LSAMP: variants seen among roughly 807,000 people sequenced by gnomAD.
The protein encoded by LSAMP is limbic system-associated membrane protein.
In LSAMP, 7 loss-of-function variants were observed where a neutral mutation model predicts 38.6. The ratio of observed to expected loss-of-function variants is 0.18; its 90% CI spans 0.10 to 0.34. The LOEUF is 0.34. Ranked by LOEUF, LSAMP falls within the 10% of genes least tolerant of loss-of-function variation. LSAMP has a pLI of 1.00. For synonymous variants in LSAMP, 154 were observed against 166.8 expected, an observed-to-expected ratio of 0.92 and a Z score of 0.59; for missense variants, 313 against 420.0, an observed-to-expected ratio of 0.75 and a Z score of 2.23.
chr3:115,985,098 C>T (rs1349910948), intron 3 of LSAMP, among the ~76,000 whole-genome samples: 1 of 152,118 alleles, frequency 6.6e-6, no homozygotes, highest in Non-Finnish European at 1.5e-5. Context: ...TATGCTCAAA[C>T]AGGTATTTTA....
At chr3:116,418,833 A>G (rs1362304002) in intron 1 of LSAMP, among the ~76,000 whole-genome samples, 4 of 152,042 alleles carry the variant, frequency 2.6e-5, no homozygotes, top group African/African-American at 9.7e-5. Flanking sequence ...GGGATTCACT[A>G]TTTGCTAAAA....
At chr3:116,435,486 C>T (rs1464488377) in intron 1 of LSAMP, among the ~76,000 whole-genome samples, 4 of 145,200 alleles carry the variant, frequency 2.8e-5, no homozygotes, top group Non-Finnish European at 1.5e-5. Context: ...CTTGATAAGA[C>T]CTTGTTGGAT....
chr3:115,804,244 T>G lies in LSAMP; in HGVS notation c.*6073A>C, dbSNP rs1283937953. 1 of 152,216 alleles carries G rather than the reference T, an allele frequency of 6.6e-6. No homozygotes were observed. Among genetic ancestry groups the G allele is most frequent in the Non-Finnish European group, 1.5e-5 (1 of 68,036 alleles). 9.4% of individuals were successfully genotyped at this position (152,216 alleles called of 1,614,324 possible). A position where few individuals can be genotyped will look rare whatever the true frequency, so the allele number is the denominator to read the frequency against. On this transcript the variant is annotated 3_prime_UTR_variant, in exon 7 of 7. Coordinates refer to ENST00000490035, the MANE Select transcript of LSAMP (RefSeq NM_002338.5). ...CAAACTAGAGATAACAAACAGCTGC[T>G]GTTTACAAACAGTGCTGGGCACAGC... is the stretch of plus-strand genomic sequence containing the variant.
intron 1 of LSAMP, among the ~76,000 whole-genome samples, chr3:116,408,326 T>C (rs550390937): frequency 1.3e-5 from 2 of 152,240 alleles, no homozygotes; most frequent in East Asian, 3.9e-4. Flanking sequence ...GAAAGAATGT[T>C]TATTTTCATT....
intron 2 of LSAMP, among the ~76,000 whole-genome samples, chr3:116,053,685 G>T (rs1457358424): frequency 6.6e-6 from 1 of 152,148 alleles, no homozygotes; most frequent in East Asian, 1.9e-4. Context: ...GTAAGTAAAT[G>T]AGAGACAGAA....
At chr3:116,206,023 C>T (rs952659684) in intron 1 of LSAMP, among the ~76,000 whole-genome samples, 6 of 151,976 alleles carry the variant, frequency 3.9e-5, no homozygotes, top group Non-Finnish European at 8.8e-5. Flanking sequence ...GCTGTGAATG[C>T]ATCTGGCCCT....
rs192115387 is a variant in LSAMP at position 115,948,698 on chromosome 3, A to C, written c.514+70817T>G. ...AAAGTCTGAAAAACACAAACAGACA[A>C]TGTAACATCACACCTCAAGGAACTA... On this transcript the variant is annotated intron_variant, in intron 3 of 6. Transcript: ENST00000490035. Among the ~76,000 whole-genome samples the C allele has an allele frequency of 1.1e-3, 167 of 152,350 alleles. 3 individuals carry two copies. The highest frequency in any genetic ancestry group is 3.7e-3 in the African/African-American group (155 of 41,600).
intron 2 of LSAMP, among the ~76,000 whole-genome samples, chr3:116,058,952 C>A (rs942649026): frequency 6.8e-6 from 1 of 147,284 alleles, no homozygotes; most frequent in Non-Finnish European, 1.5e-5. Context: ...TTTTTTTTAT[C>A]ATTTCCAATC....
intron 1 of LSAMP, among the ~76,000 whole-genome samples, chr3:116,137,347 A>T (rs997626081): frequency 3.9e-5 from 6 of 152,024 alleles, no homozygotes; most frequent in Admixed American, 3.9e-4. Context: ...TAATCATTCA[A>T]CTCACTACAC....
chr3:116,074,262 T>C (rs544570271), intron 2 of LSAMP, among the ~76,000 whole-genome samples: 67 of 152,336 alleles, frequency 4.4e-4, no homozygotes, highest in African/African-American at 1.6e-3. Context: ...TGGTAATGTC[T>C]GCCTCCCAAC....
At chr3:116,320,237 A>C (rs770396989) in intron 1 of LSAMP, among the ~76,000 whole-genome samples, 10 of 152,002 alleles carry the variant, frequency 6.6e-5, no homozygotes, top group Non-Finnish European at 1.3e-4. Context: ...ACATGATGAA[A>C]CCTCGTCTCT....
At chr3:116,244,774 T>C (rs2046583886) in intron 1 of LSAMP, among the ~76,000 whole-genome samples, 1 of 152,248 alleles carries the variant, frequency 6.6e-6, no homozygotes, top group East Asian at 1.9e-4. Context: ...TGTTTAATAC[T>C]TTTGAATAAA....
chr3:116,350,201 T>C (rs184028295), intron 1 of LSAMP, among the ~76,000 whole-genome samples: 3 of 152,088 alleles, frequency 2.0e-5, no homozygotes, highest in Non-Finnish European at 4.4e-5. Context: ...TAGCAGGTAC[T>C]AAATAAATGT....
At chr3:116,132,877 C>T (rs1242092755) in intron 1 of LSAMP, among the ~76,000 whole-genome samples, 2 of 152,150 alleles carry the variant, frequency 1.3e-5, no homozygotes, top group Non-Finnish European at 2.9e-5. Context: ...CGTGAGAGAA[C>T]CTCTGTCTCC....
In LSAMP at chr3:116,368,594, G is replaced by A. The variant is rs541022893; in HGVS notation, c.155+76283C>T. Among the ~76,000 whole-genome samples, 3 of 152,180 alleles carry A rather than the reference G, an allele frequency of 2.0e-5. No homozygotes were observed. The East Asian group carries it at 5.8e-4, about 29-fold the overall frequency. On this transcript the variant is annotated intron_variant, in intron 1 of 6. Transcript: ENST00000490035. ...AGAAGCCTTGCTCTGAATCTACTTC[G>A]TAAGCTTCCTCTTAAAAATGACTGG...
intron 2 of LSAMP, among the ~76,000 whole-genome samples, chr3:116,032,980 C>T (rs951342576): frequency 6.6e-6 from 1 of 152,090 alleles, no homozygotes; most frequent in Admixed American, 6.6e-5. Context: ...TGCGTAGAAG[C>T]AATGGGAGAT....
intron 2 of LSAMP, among the ~76,000 whole-genome samples, chr3:116,063,271 C>T (rs1400315240): frequency 6.6e-6 from 1 of 152,154 alleles, no homozygotes; most frequent in Non-Finnish European, 1.5e-5. Context: ...GTTTTTAGAA[C>T]TCCTTCTGAA....
At chr3:116,133,553 T>C (rs1436709068) in intron 1 of LSAMP, among the ~76,000 whole-genome samples, 2 of 152,144 alleles carry the variant, frequency 1.3e-5, no homozygotes, top group Non-Finnish European at 2.9e-5. Context: ...ATCCAAGTGA[T>C]CCTCCTGCCT....
In LSAMP at chr3:116,249,031, C is replaced by T. The variant is rs567022156; in HGVS notation, c.156-162475G>A. On this transcript the variant is annotated intron_variant, in intron 1 of 6. Coordinates refer to ENST00000490035, the MANE Select transcript of LSAMP (RefSeq NM_002338.5). Reference sequence around the variant, plus strand: ...GGGCATGGTGGCAGGCACCTGTAGTCCCAGCTACTCGGGTGGCTGAGACAG... The same window carrying T: ...GGGCATGGTGGCAGGCACCTGTAGTTCCAGCTACTCGGGTGGCTGAGACAG... 2.4e-4 allele frequency among the ~76,000 whole-genome samples: 37 copies of T among 151,934 alleles called. 1 individual carries two copies. In the South Asian group the frequency reaches 6.7e-3, roughly 27 times the overall value.
Sources: allele counts gnomAD v4.1 joint callset (sites outside exome capture counted in the v4.1 genomes callset), GRCh38; gene constraint gnomAD v4.1.1; transcripts MANE v1.5; gene names NCBI Gene and HGNC (gene_info 2026-07-23, HGNC 2026-07-21).